The following ABCA10 variants were observed in gnomAD, a reference collection of about 807,000 sequenced individuals.
ABCA10 encodes the protein ATP-binding cassette sub-family A member 10.
In ABCA10, 169 loss-of-function variants were observed where a neutral mutation model predicts 187.5. The observed-to-expected ratio is 0.90, with a 90% confidence interval of 0.80 to 1.02. The LOEUF (loss-of-function observed/expected upper bound fraction) is 1.02. Ranked by LOEUF, ABCA10 falls within the 50% of genes least tolerant of loss-of-function variation. The pLI is 0.00. For synonymous variants in ABCA10, 574 were observed against 601.8 expected, an observed-to-expected ratio of 0.95 and a Z score of 0.68; for missense variants, 1,727 against 1,812.4, an observed-to-expected ratio of 0.95 and a Z score of 0.86.
rs750953631 is a variant in ABCA10 at position 69,191,272 on chromosome 17, G to A, written c.1915C>T (p.Leu639Phe). 6 of 1,604,028 alleles carry A rather than the reference G, an allele frequency of 3.7e-6. No individual in the cohort carries two copies. The highest frequency in any genetic ancestry group is 5.1e-6 in the Non-Finnish European group (6 of 1,174,282). The change falls in exon 17 of 39, where the codon CTT becomes TTT. Residue 639 changes from leucine to phenylalanine, a missense_variant. Leu to Phe is a conservative substitution (Grantham distance 22). Transcript: ENST00000690296. ...EMCDTEKITS[L>F]IKQHIPDAKL... ...GCATCAGGAATGTGCTGCTTAATAA[G>A]GGATGTGATTTTTTCTGTGTCACAC...
chr17:69,164,740 G>A (rs2074242867), intron 26 of ABCA10, among the ~76,000 whole-genome samples: 1 of 152,074 alleles, frequency 6.6e-6, no homozygotes, highest in Non-Finnish European at 1.5e-5. Context: ...TGGGCTTCCT[G>A]CTGTATTTCT....
intron 27 of ABCA10, among the ~76,000 whole-genome samples, chr17:69,159,828 A>G (rs561964095): frequency 4.1e-4 from 62 of 152,144 alleles, no homozygotes; most frequent in Non-Finnish European, 6.2e-4. Context: ...AGAATAGAAA[A>G]CCCAGAAATA....
chr17:69,174,846 A>C (rs2074323234), intron 23 of ABCA10, 69 bp from the exon 24 acceptor site: 4 of 1,348,550 alleles, frequency 3.0e-6, no homozygotes, highest in African/African-American at 1.5e-5. Flanking sequence ...ATGTAAAAAA[A>C]ATTGTTTAAT....
chr17:69,233,294 C>T (rs1420899896), upstream of ABCA10: 3 of 152,038 alleles, frequency 2.0e-5, no homozygotes, highest in Admixed American at 6.6e-5. Context: ...TCCAAACAGC[C>T]TGTCTTTGAG....
At chr17:69,150,643 C>T (rs552481277) in intron 36 of ABCA10, among the ~76,000 whole-genome samples, 120 of 152,124 alleles carry the variant, frequency 7.9e-4, no homozygotes, top group Non-Finnish European at 1.3e-3. Context: ...ACCACACTTA[C>T]GATTTTCCTT....
chr17:69,196,143 CG>C (rs1207586937), intron 11 of ABCA10: 5 of 159,684 alleles, frequency 3.1e-5, no homozygotes, highest in Admixed American at 6.5e-5. Flanking sequence ...GGCTGCCGGG[CG>C]GGGGCTGCCC....
chr17:69,190,803 T>TA, intron 17 of ABCA10, among the ~76,000 whole-genome samples: 1 of 151,620 alleles, frequency 6.6e-6, no homozygotes, highest in Non-Finnish European at 1.5e-5. Context: ...TTTTCTATAC[T>TA]AACCATTTTA....
chr17:69,161,663 C>T (rs1010064839), intron 27 of ABCA10, among the ~76,000 whole-genome samples: 2 of 152,144 alleles, frequency 1.3e-5, no homozygotes, highest in African/African-American at 4.8e-5. Context: ...ATCCTAACTT[C>T]TTATAATATG....
At chr17:69,184,153 A>G (rs765019723) in intron 20 of ABCA10, among the ~76,000 whole-genome samples, 5 of 152,124 alleles carry the variant, frequency 3.3e-5, no homozygotes, top group Non-Finnish European at 7.4e-5. Flanking sequence ...CCCTGGGAAC[A>G]TAACTCCATC....
exon 1 of ABCA10, chr17:69,244,786 TAAC>T (rs1482947959): frequency 2.6e-5 from 4 of 151,234 alleles, no homozygotes; most frequent in Admixed American, 6.6e-5. Context: ...AAAACAATAA[TAAC>T]AACACTTATC....
intron 5 of ABCA10, among the ~76,000 whole-genome samples, chr17:69,220,017 A>G (rs1283475881): frequency 6.6e-6 from 1 of 152,214 alleles, no homozygotes; most frequent in African/African-American, 2.4e-5. Context: ...AAACAGCAGC[A>G]ATTCAAACAG....
intron 26 of ABCA10, 38 bp downstream of exon 26, chr17:69,164,926 A>G (rs773150823): frequency 3.1e-6 from 5 of 1,593,892 alleles, no homozygotes; most frequent in Admixed American, 3.5e-5. Context: ...ATGGGCTACA[A>G]GGTCAAGACT....
rs777874347 is a variant in ABCA10 at position 69,174,655 on chromosome 17, G to T, written c.3000C>A (p.Tyr1000Ter). The T allele has an allele frequency of 6.2e-7, 1 of 1,610,914 alleles. No individual in the cohort carries two copies. Among genetic ancestry groups the T allele is most frequent in the Admixed American group, 1.7e-5 (1 of 59,498 alleles). ...AAAGCTGGAATCCCAGAAATATGAAGTAGTAAATTAAATGTATTGAAAAGA... is the reference window on the plus strand; with the variant it reads ...AAAGCTGGAATCCCAGAAATATGAATTAGTAAATTAAATGTATTGAAAAGA... ...LILFSIHLIYYFIFLGFQLSW... is the reference protein window; with the variant it reads ...LILFSIHLIY Residue 1000 changes from tyrosine to a stop codon, truncating the protein, a stop_gained, in exon 24 of 39, where the codon TAC becomes TAA. Coordinates refer to ENST00000690296, the MANE Select transcript of ABCA10 (RefSeq NM_001377321.1). LOFTEE classifies it high-confidence loss of function.
intron 1 of ABCA10, among the ~76,000 whole-genome samples, chr17:69,227,998 T>G (rs920741708): frequency 6.6e-6 from 1 of 152,010 alleles, no homozygotes. Context: ...CTATGACTAC[T>G]GAAGTCCATT....
intron 27 of ABCA10, among the ~76,000 whole-genome samples, 193 bp downstream of exon 27, chr17:69,163,881 G>A (rs2074236602): frequency 6.6e-6 from 1 of 151,956 alleles, no homozygotes; most frequent in African/African-American, 2.4e-5. Context: ...ACCTTTAAAT[G>A]TTCTAGTATG....
intron 2 of ABCA10, among the ~76,000 whole-genome samples, chr17:69,226,932 T>A (rs536006451): frequency 1.3e-5 from 2 of 151,844 alleles, no homozygotes; most frequent in African/African-American, 2.4e-5. Context: ...TCAGATGAGC[T>A]TTTTAGTTAA....
chr17:69,235,985 G>C (rs1253409834), intron 1 of ABCA10, among the ~76,000 whole-genome samples: 1 of 152,104 alleles, frequency 6.6e-6, no homozygotes, highest in Admixed American at 6.5e-5. Context: ...ATACAATTCA[G>C]TTCTCAACTT....
chr17:69,215,178 AC>A (rs1445036369), intron 8 of ABCA10, among the ~76,000 whole-genome samples: 2 of 152,208 alleles, frequency 1.3e-5, no homozygotes. Flanking sequence ...GAAGTGGGCA[AC>A]ATAATTAGAG....
chr17:69,194,266 C>T, intron 12 of ABCA10, 119 bp downstream of exon 12: 1 of 845,544 alleles, frequency 1.2e-6, no homozygotes, highest in Non-Finnish European at 1.9e-6. Flanking sequence ...ATCAATATTT[C>T]CTGCTCTAAA....
Sources: gnomAD v4.1 joint callset for allele counts (sites outside exome capture counted in the v4.1 genomes callset) on GRCh38, gnomAD v4.1.1 for gene constraint, MANE v1.5 for transcripts, NCBI Gene and HGNC (gene_info 2026-07-23, HGNC 2026-07-21) for gene names.